Variants in ANKRD11 observed in about 807,000 individuals in gnomAD.
The protein encoded by ANKRD11 is ankyrin repeat domain 11, also known as ankyrin repeat domain-containing protein 11.
ANKRD11 carries 17 observed loss-of-function variants against 195.7 expected under a neutral mutation model. The observed-to-expected ratio is 0.09, with a 90% CI of 0.06 to 0.13. The LOEUF (loss-of-function observed/expected upper bound fraction) is 0.13. Ranked by LOEUF, ANKRD11 falls within the 10% of genes least tolerant of loss-of-function variation. The probability of loss-of-function intolerance (pLI) is 1.00; values close to 1 mark genes in which losing one functional copy is unlikely to be tolerated. For synonymous variants in ANKRD11, 1,953 were observed against 1,528.1 expected (o/e 1.28, Z -6.49); for missense variants, 3,735 against 3,566.1 (o/e 1.05, Z -1.21).
At chr16:89,339,522 A>T (rs1340141981) in intron 2 of ANKRD11, among the ~76,000 whole-genome samples, 1 of 152,228 alleles carries the variant, frequency 6.6e-6, no homozygotes, top group Non-Finnish European at 1.5e-5. Flanking sequence ...CTCTTTCACA[A>T]ACCATTTCGG....
At chr16:89,478,952 ACTTTTT>A (rs2057348416) in intron 1 of ANKRD11, among the ~76,000 whole-genome samples, 1 of 152,176 alleles carries the variant, frequency 6.6e-6, no homozygotes, top group Non-Finnish European at 1.5e-5. Flanking sequence ...ATGACCCAAC[ACTTTTT>A]CTTTTCTTTT....
rs141339617 is a variant in ANKRD11, at chr16:89,474,304, T to C, written c.-145+15941A>G. Among the ~76,000 whole-genome samples, 884 of 152,126 alleles carry C rather than the reference T, an allele frequency of 5.8e-3. 4 individuals carry two copies. Among genetic ancestry groups the C allele is most frequent in the Non-Finnish European group, 0.01 (684 of 68,004 alleles). On this transcript the variant is annotated intron_variant, in intron 1 of 12. Transcript: ENST00000301030. ...GATAATAAATGTGTTGTGTGTCAAT[T>C]TGTTACACAGCAGTAGAAAATAAAT...
chr16:89,307,142 T>C (rs1161425667), intron 3 of ANKRD11, among the ~76,000 whole-genome samples: 1 of 152,176 alleles, frequency 6.6e-6, no homozygotes, highest in East Asian at 1.9e-4. Context: ...GTAAGCCTTC[T>C]TTCTGTAACT....
At position 89,282,078 on chromosome 16, in the gene ANKRD11, G is replaced by C. The variant is rs148191751; in HGVS notation, c.4464C>G (p.His1488Gln). 1 of 1,613,368 alleles carries C rather than the reference G, an allele frequency of 6.2e-7. No homozygotes were observed. Among genetic ancestry groups the C allele is most frequent in the Non-Finnish European group, 8.5e-7 (1 of 1,179,724 alleles). ...TGTGATGCCGCAGGAGCTCGTCCCTGTGATGCCGCAGCAGCCCATCCGCAT... is the reference window on the plus strand; with the variant it reads ...TGTGATGCCGCAGGAGCTCGTCCCTCTGATGCCGCAGCAGCCCATCCGCAT... ...DRHADGLLRHHRDELLRHHRD... is the reference protein window; with the variant it reads ...DRHADGLLRHQRDELLRHHRD... Residue 1488 changes from histidine to glutamine, a missense_variant, in exon 9 of 13, where the codon CAC becomes CAG. By Grantham distance (24) the His-to-Gln change is conservative. Transcript: ENST00000301030.
At chr16:89,487,562 TTAG>T (rs748638466) in intron 1 of ANKRD11, among the ~76,000 whole-genome samples, 2 of 152,126 alleles carry the variant, frequency 1.3e-5, no homozygotes, top group South Asian at 4.1e-4. Context: ...GATCACAAGG[TTAG>T]GAGTTCAAGA....
At chr16:89,324,578 G>A (rs1370845322) in intron 2 of ANKRD11, 1 of 452,452 alleles carries the variant, frequency 2.2e-6, no homozygotes, top group Admixed American at 2.4e-5. Context: ...CCATCTGGGG[G>A]GGCATGATCT....
Position 89,291,555 on chromosome 16 carries a change from G to T in ANKRD11, c.227-372C>A. On this transcript the variant is annotated intron_variant, in intron 4 of 12. Transcript: ENST00000301030. The surrounding 1 kb of genome is among the most constrained non-coding windows in gnomAD (Gnocchi z 5.3). Reference sequence around the variant, plus strand: ...CCTGGCTCACACAGGACAGGTCTCTGTTCAATACACGTGTCTGTAATTCAA... The same window carrying T: ...CCTGGCTCACACAGGACAGGTCTCTTTTCAATACACGTGTCTGTAATTCAA... The T allele has an allele frequency of 2.6e-6, 2 of 759,926 alleles. No individual in the cohort carries two copies. The highest frequency in any genetic ancestry group is 4.0e-6 in the Non-Finnish European group (2 of 496,762). The allele number at this position is 759,926 out of a possible 1,614,324, so 47.1% of individuals were successfully genotyped here. A position where few individuals can be genotyped will look rare whatever the true frequency, so the allele number is the denominator to read the frequency against.
intron 1 of ANKRD11, among the ~76,000 whole-genome samples, chr16:89,450,764 C>T (rs1157083163): frequency 3.3e-5 from 5 of 152,110 alleles, no homozygotes; most frequent in East Asian, 3.8e-4. Flanking sequence ...CCAAAACTGG[C>T]GGGATTACAG....
intron 1 of ANKRD11, among the ~76,000 whole-genome samples, chr16:89,467,169 T>G (rs980193621): frequency 6.6e-6 from 1 of 151,948 alleles, no homozygotes; most frequent in African/African-American, 2.4e-5. Context: ...CGGCGGCTCA[T>G]GTCTATAATC....
intron 2 of ANKRD11, chr16:89,392,636 G>GTTAA: frequency 6.6e-6 from 1 of 151,326 alleles, no homozygotes; most frequent in African/African-American, 2.4e-5. Context: ...AGCTACAGAA[G>GTTAA]TTAACGATCA....
chr16:89,425,343 CTGGAAA>C (rs1478222647), intron 1 of ANKRD11, among the ~76,000 whole-genome samples: 1 of 152,154 alleles, frequency 6.6e-6, no homozygotes, highest in Non-Finnish European at 1.5e-5. Context: ...AGTCTTGAAA[CTGGAAA>C]TGGAAAACAT....
chr16:89,439,754 A>C (rs558845149), intron 1 of ANKRD11, among the ~76,000 whole-genome samples: 1 of 152,128 alleles, frequency 6.6e-6, no homozygotes, highest in African/African-American at 2.4e-5. Context: ...CTGACACACA[A>C]CACCAAAGGT....
At chr16:89,295,985 CTTTTTTT>C (rs60214636) in intron 4 of ANKRD11, among the ~76,000 whole-genome samples, 8 of 45,144 alleles carry the variant, frequency 1.8e-4, no homozygotes, top group Middle Eastern at 0.025. Context: ...ATCTGGCTGC[CTTTTTTT>C]TTTTTTTTTT....
intron 2 of ANKRD11, among the ~76,000 whole-genome samples, chr16:89,367,805 G>A (rs922856860): frequency 6.6e-6 from 1 of 152,146 alleles, no homozygotes; most frequent in Non-Finnish European, 1.5e-5. Context: ...TTCAAAAGCA[G>A]GTGGGGAGCC....
intron 3 of ANKRD11, among the ~76,000 whole-genome samples, chr16:89,307,335 A>G (rs2036345371): frequency 6.6e-6 from 1 of 152,152 alleles, no homozygotes; most frequent in South Asian, 2.1e-4. Context: ...CTCTGCATCC[A>G]CCAAACGTGC....
intron 2 of ANKRD11, chr16:89,370,638 C>CAGGTGA (rs1040962573): frequency 2.6e-5 from 4 of 152,484 alleles, no homozygotes; most frequent in African/African-American, 9.6e-5. Context: ...CTAGGACGCC[C>CAGGTGA]AGGTGAGCTC....
At chr16:89,486,189 TG>T (rs1367385902) in intron 1 of ANKRD11, among the ~76,000 whole-genome samples, 1 of 152,126 alleles carries the variant, frequency 6.6e-6, no homozygotes, top group Non-Finnish European at 1.5e-5. Flanking sequence ...CAGTGGCTCA[TG>T]CCTATAATCC....
intron 1 of ANKRD11, among the ~76,000 whole-genome samples, chr16:89,487,528 C>G (rs2152383198): frequency 6.6e-6 from 1 of 152,326 alleles, no homozygotes; most frequent in African/African-American, 2.4e-5. Context: ...GTAATCCCAG[C>G]ACTTTGGGAG....
At chr16:89,481,386 A>G (rs1467096293) in intron 1 of ANKRD11, among the ~76,000 whole-genome samples, 1 of 152,124 alleles carries the variant, frequency 6.6e-6, no homozygotes, top group African/African-American at 2.4e-5. Flanking sequence ...TAAGAAACAT[A>G]GCGAAACCCC....
Sources: gnomAD v4.1 joint callset for allele counts (sites outside exome capture counted in the v4.1 genomes callset) on GRCh38, gnomAD v4.1.1 for gene constraint, Gnocchi (gnomAD v3.1) non-coding constraint, MANE v1.5 for transcripts, NCBI Gene and HGNC (gene_info 2026-07-23, HGNC 2026-07-21) for gene names.